Variants in CTNNA3 observed in about 807,000 individuals in gnomAD.
CTNNA3 encodes catenin alpha-3.
A neutral mutation model predicts 95.7 loss-of-function variants in CTNNA3; 76 were observed. That is an observed-to-expected ratio of 0.79 (90% CI 0.66 to 0.96). The LOEUF (loss-of-function observed/expected upper bound fraction) is 0.96, where lower values mean the gene tolerates loss of function less well. Ranked by LOEUF, CTNNA3 falls within the 40% of genes least tolerant of loss-of-function variation. CTNNA3 has a pLI of 0.00. For missense variants in CTNNA3, 1,191 were observed against 1,089.8 expected (o/e 1.09, Z -1.31); for synonymous variants, 431 against 374.4 (o/e 1.15, Z -1.74).
chr10:66,574,516 A>G (rs1352543291), intron 10 of CTNNA3, among the ~76,000 whole-genome samples: 1 of 152,166 alleles, frequency 6.6e-6, no homozygotes, highest in Non-Finnish European at 1.5e-5. Context: ...TTTACATGTG[A>G]ATAATTTCTT....
At chr10:66,437,278 C>T (rs182770513) in intron 11 of CTNNA3, among the ~76,000 whole-genome samples, 37 of 152,220 alleles carry the variant, frequency 2.4e-4, no homozygotes, top group Admixed American at 1.4e-3. Context: ...CATCCTGAAG[C>T]GTGTTTTCCA....
chr10:66,161,675 C>T (rs2084854656), intron 13 of CTNNA3, among the ~76,000 whole-genome samples: 1 of 152,164 alleles, frequency 6.6e-6, no homozygotes, highest in Non-Finnish European at 1.5e-5. Flanking sequence ...GACAATGTGC[C>T]TAGGCAATGA....
Position 67,726,268 on chromosome 10 carries a change from T to TTA in CTNNA3, c.-2+37164_-2+37165dup, listed in dbSNP as rs1173850034. 7.2e-5 allele frequency among the ~76,000 whole-genome samples: 5 copies of TTA among 69,096 alleles called. No individual in the cohort carries two copies. The East Asian group carries it at 3.4e-3, about 47-fold the overall frequency. The allele number at this position is 69,096 out of a possible 152,430, so 45.3% of individuals were successfully genotyped here. A position where few individuals can be genotyped will look rare whatever the true frequency, so the allele number is the denominator to read the frequency against. On this transcript the variant is annotated intron_variant, in intron 1 of 17. Coordinates refer to the CTNNA3 transcript ENST00000684154. ...ATTATATATAATATTGTATTACATA[T>TTA]TATATATATTATATTACATATTATA...
chr10:67,181,011 C>T (rs1862513981), intron 6 of CTNNA3, among the ~76,000 whole-genome samples: 1 of 152,150 alleles, frequency 6.6e-6, no homozygotes, highest in South Asian at 2.1e-4. Context: ...AATAACTACA[C>T]ATTTCAGCTG....
intron 13 of CTNNA3, among the ~76,000 whole-genome samples, chr10:66,229,025 T>C (rs2089458296): frequency 6.6e-6 from 1 of 152,204 alleles, no homozygotes; most frequent in Admixed American, 6.5e-5. Context: ...GCATGTGTAT[T>C]TCCAGGTAAA....
chr10:66,963,921 A>C (rs7910104), intron 7 of CTNNA3, among the ~76,000 whole-genome samples: 107,354 of 151,304 alleles, frequency 0.71, 38,440 homozygotes, highest in East Asian at 0.97. Context: ...CGGTTCACTG[A>C]AACCTCCAAC....
intron 11 of CTNNA3, among the ~76,000 whole-genome samples, chr10:66,493,256 T>G (rs1839984424): frequency 6.6e-6 from 1 of 152,176 alleles, no homozygotes; most frequent in African/African-American, 2.4e-5. Context: ...TAATACAGTG[T>G]GCTGCACTAT....
chr10:66,158,337 G>A (rs988769934), intron 13 of CTNNA3, among the ~76,000 whole-genome samples: 3 of 152,026 alleles, frequency 2.0e-5, no homozygotes, highest in African/African-American at 7.2e-5. Flanking sequence ...TATAAGGTAA[G>A]AGATGAGGAT....
chr10:67,141,596 ATAG>A (rs1860569963), intron 7 of CTNNA3, among the ~76,000 whole-genome samples: 1 of 152,190 alleles, frequency 6.6e-6, no homozygotes, highest in African/African-American at 2.4e-5. Flanking sequence ...CAGAGTAGCC[ATAG>A]TGAGGGCCAT....
At chr10:66,513,494 C>G (rs72793625) in intron 11 of CTNNA3, among the ~76,000 whole-genome samples, 28,032 of 152,080 alleles carry the variant, frequency 0.18, 2,856 homozygotes, top group African/African-American at 0.27. Context: ...GGAGTGCACA[C>G]GCACCTCTGG....
At chr10:67,566,058 T>TATATATATATATATATATAC (rs1418561699) in intron 3 of CTNNA3, among the ~76,000 whole-genome samples, 5 of 85,582 alleles carry the variant, frequency 5.8e-5, no homozygotes, top group East Asian at 1.7e-3. Context: ...TATATATATA[T>TATATATATATATATATATAC]ATATATATAT....
At chr10:66,346,230 TATATATATATATATATAGAGAGAGAG>T (rs1475664018) in intron 12 of CTNNA3, among the ~76,000 whole-genome samples, 3,702 of 64,782 alleles carry the variant, frequency 0.057, 56 homozygotes, top group East Asian at 0.15. Context: ...TATATATATA[TATATATATATATATATAGAGAGAGAG>T]AGAGAGAGAG....
intron 6 of CTNNA3, among the ~76,000 whole-genome samples, chr10:67,182,850 C>T (rs1195788642): frequency 6.6e-6 from 1 of 152,100 alleles, no homozygotes; most frequent in East Asian, 1.9e-4. Context: ...AAGAAAAAAA[C>T]AAACAACCCC....
At chr10:66,748,546 G>C (rs1838980914) in intron 9 of CTNNA3, among the ~76,000 whole-genome samples, 1 of 152,086 alleles carries the variant, frequency 6.6e-6, no homozygotes, top group Non-Finnish European at 1.5e-5. Flanking sequence ...GTTGATCAGA[G>C]ATAAATTAAA....
At chr10:66,119,929 T>C (rs1272734988) in intron 13 of CTNNA3, among the ~76,000 whole-genome samples, 1 of 152,170 alleles carries the variant, frequency 6.6e-6, no homozygotes, top group Non-Finnish European at 1.5e-5. Flanking sequence ...TAGCTGTCTC[T>C]GCCTTCTTTA....
chr10:66,907,037 C>T (rs1225732207), intron 7 of CTNNA3, among the ~76,000 whole-genome samples: 1 of 152,102 alleles, frequency 6.6e-6, no homozygotes, highest in Non-Finnish European at 1.5e-5. Flanking sequence ...AAAAATCCTA[C>T]TGAGGTTTTG....
chr10:67,097,116 G>T (rs1228464381), intron 7 of CTNNA3, among the ~76,000 whole-genome samples: 1 of 151,820 alleles, frequency 6.6e-6, no homozygotes, highest in East Asian at 1.9e-4. Context: ...AAAAACTTGG[G>T]TGGCAGGGGG....
intron 5 of CTNNA3, among the ~76,000 whole-genome samples, chr10:67,487,548 C>T (rs1848491222): frequency 6.6e-6 from 1 of 152,172 alleles, no homozygotes; most frequent in Admixed American, 6.5e-5. Flanking sequence ...CAATCAAGGA[C>T]TATTTTCAGG....
rs952231138 is a variant in CTNNA3 at position 66,724,792 on chromosome 10, A to G, written c.1281+41472T>C. Among the ~76,000 whole-genome samples the G allele has an allele frequency of 3.3e-5, 5 of 152,304 alleles. No individual in the cohort carries two copies. In the East Asian group the frequency reaches 7.7e-4, roughly 23 times the overall value. Reference sequence around the variant, plus strand: ...CATTGTTTCAATATTTTATCTCACTACTTCTGAGACCAATAAATTAGAAAG... The same window carrying G: ...CATTGTTTCAATATTTTATCTCACTGCTTCTGAGACCAATAAATTAGAAAG... On this transcript the variant is annotated intron_variant, in intron 9 of 17. Transcript: ENST00000433211.
Sources: allele counts gnomAD v4.1 joint callset (sites outside exome capture counted in the v4.1 genomes callset), GRCh38; gene constraint gnomAD v4.1.1; transcripts MANE v1.5; gene names NCBI Gene and HGNC (gene_info 2026-07-23, HGNC 2026-07-21).